Variants in CCDC57 observed in about 807,000 individuals in gnomAD.
CCDC57 encodes the protein coiled-coil domain-containing protein 57.
A neutral mutation model predicts 118.9 loss-of-function variants in CCDC57; 118 were observed. The ratio of observed to expected loss-of-function variants is 0.99; its 90% CI spans 0.86 to 1.16. CCDC57 has a LOEUF of 1.16. Among genes scored for constraint, CCDC57 ranks in the 50% most tolerant of loss-of-function variants. CCDC57 has a pLI of 0.00. For synonymous variants in CCDC57, 527 were observed against 532.9 expected (o/e 0.99, Z 0.15); for missense variants, 1,300 against 1,320.7 (o/e 0.98, Z 0.24).
At chr17:82,133,431 CAA>C (rs71166189) in intron 17 of CCDC57, among the ~76,000 whole-genome samples, 45 of 38,386 alleles carry the variant, frequency 1.2e-3, no homozygotes, top group African/African-American at 4.0e-3. Context: ...GGCCCTGTCT[CAA>C]AAAAAAAAAA....
At chr17:82,193,598 AG>A (rs376775096) in intron 7 of CCDC57, among the ~76,000 whole-genome samples, 157 bp downstream of exon 6, 5 of 152,024 alleles carry the variant, frequency 3.3e-5, no homozygotes, top group African/African-American at 1.2e-4. Context: ...AAAGAAAGGA[AG>A]AAAAAGAAGG....
intron 17 of CCDC57, among the ~76,000 whole-genome samples, chr17:82,131,060 G>A (rs1423915461): frequency 3.3e-5 from 5 of 150,158 alleles, no homozygotes; most frequent in East Asian, 2.0e-4. Flanking sequence ...TGATCCACCC[G>A]TCTCGGCCTC....
intron 1 of CCDC57, among the ~76,000 whole-genome samples, chr17:82,209,680 T>C (rs2050031349): frequency 6.6e-6 from 1 of 152,136 alleles, no homozygotes. Context: ...GAGATGGGTG[T>C]CTCACTTTGT....
At chr17:82,183,831 T>C in exon 9 of CCDC57, 1 of 1,607,160 alleles carries the variant, frequency 6.2e-7, no homozygotes, top group South Asian at 1.1e-5. Context: ...CTCTTCTTCC[T>C]GCAGCGTCTG....
Position 82,171,803 on chromosome 17 carries a change from T to A in CCDC57, c.1780A>T (p.Lys594Ter). 1 of 1,613,982 alleles carries A rather than the reference T, an allele frequency of 6.2e-7. No homozygotes were observed. Among genetic ancestry groups the A allele is most frequent in the Non-Finnish European group, 8.5e-7 (1 of 1,179,850 alleles). The stretch of plus-strand genomic sequence containing the variant: ...TCTTCTAGATGCTTTTCCAGAGTTT[T>A]AAACTTATGCTTTAGAGTTCGTATT... Residue 594 changes from lysine to a stop codon, truncating the protein, a stop_gained, in exon 13 of 20, where the codon AAA (lysine) becomes TAA (stop). Coordinates refer to ENST00000665763, the Ensembl canonical transcript of CCDC57. LOFTEE classifies it high-confidence loss of function.
At chr17:82,204,505 C>T (rs561566581) in intron 2 of CCDC57, among the ~76,000 whole-genome samples, 33 of 152,276 alleles carry the variant, frequency 2.2e-4, no homozygotes, top group Admixed American at 6.5e-4. Context: ...TTACCAGGGC[C>T]GGGCGCAGTG....
At chr17:82,182,974 T>A (rs1228337087) in intron 9 of CCDC57, among the ~76,000 whole-genome samples, 1 of 151,376 alleles carries the variant, frequency 6.6e-6, no homozygotes, top group African/African-American at 2.4e-5. Context: ...GCGTGAGCCA[T>A]CACACCCGGC....
At chr17:82,134,336 G>T in intron 16 of CCDC57, 142 bp from the exon 16 acceptor site, 1 of 765,744 alleles carries the variant, frequency 1.3e-6, no homozygotes, top group Non-Finnish European at 1.8e-6. Flanking sequence ...CTTGGGGAGG[G>T]CCGGACAACA....
At chr17:82,126,897 A>G (rs1367794735) in intron 19 of CCDC57, 1 of 985,302 alleles carries the variant, frequency 1.0e-6, no homozygotes, top group Non-Finnish European at 1.2e-6. Context: ...GCTGTAAGGT[A>G]AGAAGGGGAC....
chr17:82,179,248 A>C (rs1599199038), intron 9 of CCDC57, 59 bp from the exon 9 acceptor site: 1 of 1,557,338 alleles, frequency 6.4e-7, no homozygotes, highest in East Asian at 2.3e-5. Context: ...CCACAGGAAA[A>C]GCAGAGGCAC....
exon 10 of CCDC57, chr17:82,179,075 G>T: frequency 6.2e-7 from 1 of 1,613,964 alleles, no homozygotes; most frequent in Non-Finnish European, 8.5e-7. Flanking sequence ...CTGACTTTTG[G>T]ATCTGGTCCC....
chr17:82,101,715 G>A, exon 20 of CCDC57: 1 of 1,608,520 alleles, frequency 6.2e-7, no homozygotes, highest in Non-Finnish European at 8.5e-7. Context: ...GGATCTTGGG[G>A]GGCCTCTGGC....
At chr17:82,195,194 G>A (rs2048152576) in intron 5 of CCDC57, 69 bp downstream of exon 4, 2 of 1,123,224 alleles carry the variant, frequency 1.8e-6, no homozygotes. Context: ...GAGATGACAG[G>A]TGTGAGCCAC....
At chr17:82,190,094 A>T (rs1015390020) in intron 7 of CCDC57, among the ~76,000 whole-genome samples, 1 of 82,944 alleles carries the variant, frequency 1.2e-5, no homozygotes, top group Admixed American at 1.3e-4. Context: ...ATCCCAGTAT[A>T]GAGTGACCTC....
chr17:82,122,385 G>A (rs2145142899), intron 19 of CCDC57, among the ~76,000 whole-genome samples: 1 of 152,364 alleles, frequency 6.6e-6, no homozygotes, highest in South Asian at 2.1e-4. Context: ...CAGCTCAGAA[G>A]TCGGAGCAAG....
chr17:82,183,971 C>T (rs772597082), intron 8 of CCDC57, 39 bp from the exon 8 acceptor site: 9 of 1,578,726 alleles, frequency 5.7e-6, no homozygotes, highest in Non-Finnish European at 7.8e-6. Flanking sequence ...GTGGTTCTCA[C>T]TCACTAAAGT....
intron 17 of CCDC57, among the ~76,000 whole-genome samples, chr17:82,131,289 TG>T (rs2038330181): frequency 1.3e-5 from 2 of 150,782 alleles, no homozygotes; most frequent in Non-Finnish European, 3.0e-5. Context: ...AAATTAACTG[TG>T]TCTGGTGGTG....
chr17:82,173,788 GCCA>G (rs2045087706), intron 11 of CCDC57, among the ~76,000 whole-genome samples: 1 of 151,294 alleles, frequency 6.6e-6, no homozygotes, highest in South Asian at 2.1e-4. Context: ...CCCGCAAGGA[GCCA>G]CCAAGGCGGG....
intron 9 of CCDC57, among the ~76,000 whole-genome samples, chr17:82,180,316 G>A (rs1169231914): frequency 6.6e-6 from 1 of 152,182 alleles, no homozygotes; most frequent in African/African-American, 2.4e-5. Flanking sequence ...GGCAGGCCTG[G>A]CCATCATTGA....
Sources: allele counts gnomAD v4.1 joint callset (sites outside exome capture counted in the v4.1 genomes callset), GRCh38; gene constraint gnomAD v4.1.1; transcripts MANE v1.5; gene names NCBI Gene and HGNC (gene_info 2026-07-23, HGNC 2026-07-21).